SFMBT2: variants seen among roughly 807,000 people sequenced by gnomAD.
SFMBT2 encodes scm-like with four MBT domains protein 2.
In SFMBT2, 38 loss-of-function variants were observed where a neutral mutation model predicts 110.1. The ratio of observed to expected loss-of-function variants is 0.35; its 90% CI spans 0.27 to 0.45. The LOEUF is 0.45. Ranked by LOEUF, SFMBT2 falls within the 20% of genes least tolerant of loss-of-function variation. The pLI is 1.00. For synonymous variants in SFMBT2, 425 were observed against 425.4 expected (o/e 1.00, Z 0.01); for missense variants, 1,011 against 1,094.9 (o/e 0.92, Z 1.08).
At position 7,360,744 on chromosome 10, in the gene SFMBT2, G is replaced by GC. The variant is rs201988147; in HGVS notation, c.436+6904dup. 2.8e-4 allele frequency among the ~76,000 whole-genome samples: 42 copies of GC among 152,176 alleles called. 1 individual carries two copies. In the East Asian group the frequency reaches 7.9e-3, roughly 29 times the overall value. ...CTCTCTCTGTCACACACATCTACAAGCCAAGCCCATCCTGGTCTACACCAT... is the reference window on the plus strand; with the variant it reads ...CTCTCTCTGTCACACACATCTACAAGCCCAAGCCCATCCTGGTCTACACCAT... On this transcript the variant is annotated intron_variant, in intron 4 of 20. Transcript: ENST00000397167.
chr10:7,174,371 CT>C (rs1837982468), intron 17 of SFMBT2, among the ~76,000 whole-genome samples: 1 of 152,138 alleles, frequency 6.6e-6, no homozygotes, highest in African/African-American at 2.4e-5. Context: ...GGGATGAGAA[CT>C]GGTTTTAGGG....
At chr10:7,324,244 TCACA>T in intron 4 of SFMBT2, among the ~76,000 whole-genome samples, 1 of 152,188 alleles carries the variant, frequency 6.6e-6, no homozygotes, top group East Asian at 1.9e-4. Flanking sequence ...ATTACTATAA[TCACA>T]CACACACACA....
chr10:7,386,987 A>C (rs1845626259), intron 1 of SFMBT2, among the ~76,000 whole-genome samples: 1 of 152,230 alleles, frequency 6.6e-6, no homozygotes, highest in African/African-American at 2.4e-5. Context: ...CGCCCTAACC[A>C]GTCAATTACA....
At chr10:7,397,797 C>G (rs576897009) in intron 1 of SFMBT2, among the ~76,000 whole-genome samples, 8 of 152,306 alleles carry the variant, frequency 5.3e-5, no homozygotes, top group East Asian at 1.9e-4. Flanking sequence ...ATTATCAACG[C>G]GAGCTTTCTT....
chr10:7,318,334 C>G (rs1382190099), intron 4 of SFMBT2, among the ~76,000 whole-genome samples: 2 of 152,192 alleles, frequency 1.3e-5, no homozygotes, highest in Non-Finnish European at 2.9e-5. Flanking sequence ...TGTAAAACCA[C>G]AGATATCCTT....
chr10:7,292,724 A>G (rs570720608), intron 4 of SFMBT2, among the ~76,000 whole-genome samples: 2 of 152,298 alleles, frequency 1.3e-5, no homozygotes, highest in South Asian at 4.1e-4. Context: ...TGTTGTAAAG[A>G]ATAAGATTTA....
At chr10:7,177,887 A>T (rs1838124778) in intron 16 of SFMBT2, among the ~76,000 whole-genome samples, 1 of 151,698 alleles carries the variant, frequency 6.6e-6, no homozygotes, top group Admixed American at 6.6e-5. Flanking sequence ...GAAGAAGAAG[A>T]AGTTGAAAAG....
intron 12 of SFMBT2, 114 bp from the exon 13 acceptor site, chr10:7,202,636 G>A (rs557440114): frequency 1.3e-6 from 2 of 1,569,620 alleles, no homozygotes; most frequent in South Asian, 1.2e-5. Context: ...CAATTTAAAT[G>A]CTGAAAAGTT....
intron 4 of SFMBT2, among the ~76,000 whole-genome samples, chr10:7,316,074 G>A (rs1843002579): frequency 6.6e-6 from 1 of 152,210 alleles, no homozygotes; most frequent in Non-Finnish European, 1.5e-5. Flanking sequence ...GAGATACAAA[G>A]ACCATGCTGA....
chr10:7,303,175 C>A (rs1396547160), intron 4 of SFMBT2, among the ~76,000 whole-genome samples: 1 of 152,170 alleles, frequency 6.6e-6, no homozygotes, highest in African/African-American at 2.4e-5. Context: ...TCCCTGAATT[C>A]TTCTTCTATC....
chr10:7,401,395 C>T (rs1201484211), intron 1 of SFMBT2, among the ~76,000 whole-genome samples: 1 of 152,234 alleles, frequency 6.6e-6, no homozygotes, highest in African/African-American at 2.4e-5. Context: ...ATTCAACCCA[C>T]AGCTTCCAGC....
At chr10:7,257,921 A>T (rs1227768996) in intron 7 of SFMBT2, among the ~76,000 whole-genome samples, 3 of 152,214 alleles carry the variant, frequency 2.0e-5, no homozygotes, top group Non-Finnish European at 2.9e-5. Flanking sequence ...CAGTGAAATC[A>T]TCCTTATGCA....
At chr10:7,384,335 G>A (rs1845524039) in intron 1 of SFMBT2, among the ~76,000 whole-genome samples, 1 of 151,528 alleles carries the variant, frequency 6.6e-6, no homozygotes, top group Non-Finnish European at 1.5e-5. Context: ...GGAAGCGAGT[G>A]AGCACAATCT....
rs1335874064 is a variant in SFMBT2, at chr10:7,170,677, G to A, written c.2544+251C>T. On this transcript the variant is annotated intron_variant, in intron 20 of 20. Coordinates refer to ENST00000397167, the MANE Select transcript of SFMBT2 (RefSeq NM_001387889.1). The surrounding 1 kb of genome is among the most constrained non-coding windows in gnomAD (Gnocchi z 4.6). ...TGCTGGGTGGTGTCACTAGAGCCTG[G>A]AAGAGTCACCCCTCCGCCCCCCACC... Among the ~76,000 whole-genome samples the A allele has an allele frequency of 1.3e-5, 2 of 152,068 alleles. No individual in the cohort carries two copies. Among genetic ancestry groups the A allele is most frequent in the African/African-American group, 4.8e-5 (2 of 41,424 alleles).
intron 7 of SFMBT2, among the ~76,000 whole-genome samples, chr10:7,256,897 G>A (rs1216804577): frequency 6.6e-6 from 1 of 152,138 alleles, no homozygotes; most frequent in African/African-American, 2.4e-5. Flanking sequence ...TTTGAGAGCA[G>A]CCTGGCCTAC....
At chr10:7,237,111 T>C (rs1291009225) in intron 9 of SFMBT2, among the ~76,000 whole-genome samples, 1 of 152,142 alleles carries the variant, frequency 6.6e-6, no homozygotes, top group East Asian at 1.9e-4. Context: ...TCAAACACCA[T>C]GTTAGAAATG....
intron 4 of SFMBT2, among the ~76,000 whole-genome samples, chr10:7,356,551 T>C (rs1012808954): frequency 4.6e-5 from 7 of 152,150 alleles, no homozygotes; most frequent in African/African-American, 1.7e-4. Context: ...AAGTAGGGAT[T>C]ACAGGCATGT....
intron 10 of SFMBT2, among the ~76,000 whole-genome samples, chr10:7,221,965 C>T (rs939125260): frequency 6.6e-6 from 1 of 152,174 alleles, no homozygotes; most frequent in Admixed American, 6.5e-5. Context: ...AACCACCAAT[C>T]TGTTTTCTGT....
At position 7,205,869 on chromosome 10, in the gene SFMBT2, C is replaced by A; in HGVS notation, c.1390G>T (p.Val464Leu). 1.9e-6 allele frequency: 3 copies of A among 1,614,102 alleles called. No homozygotes were observed. The highest frequency in any genetic ancestry group is 1.7e-6 in the Non-Finnish European group (2 of 1,179,994). ...TAAGAATTGGCTTCACACCAGCCCA[C>A]TGGGAAGATGTCCATGGATTCCACA... Reference protein sequence around the residue: ...VDVESMDIFPVGWCEANSYPL... With the variant: ...VDVESMDIFPLGWCEANSYPL... The change falls in exon 12 of 21, where the codon GTG (valine) becomes TTG (leucine). Residue 464 changes from valine to leucine, a missense_variant. This residue lies in a region of SFMBT2 where 979 missense variants were observed against 1,016.1 expected (regional missense o/e 0.96). Coordinates refer to ENST00000397167, the MANE Select transcript of SFMBT2 (RefSeq NM_001387889.1).
Sources: gnomAD v4.1 joint callset for allele counts (sites outside exome capture counted in the v4.1 genomes callset) on GRCh38, gnomAD v4.1.1 for gene constraint, gnomAD v4.1.1 regional missense constraint, Gnocchi (gnomAD v3.1) non-coding constraint, MANE v1.5 for transcripts, NCBI Gene and HGNC (gene_info 2026-07-23, HGNC 2026-07-21) for gene names.